Variants in CPQ observed in about 807,000 individuals in gnomAD.
CPQ encodes Ser-Met dipeptidase.
A neutral mutation model predicts 45.7 loss-of-function variants in CPQ; 37 were observed. The ratio of observed to expected loss-of-function variants is 0.81; its 90% confidence interval spans 0.62 to 1.07. The LOEUF is 1.07. Among genes scored for constraint, CPQ ranks in the 50% least tolerant of loss-of-function variants. CPQ has a pLI of 0.00. For missense variants in CPQ, 537 were observed against 572.9 expected, an observed-to-expected ratio of 0.94 and a Z score of 0.64; for synonymous variants, 186 against 205.8, an observed-to-expected ratio of 0.90 and a Z score of 0.82.
intron 2 of CPQ, among the ~76,000 whole-genome samples, chr8:96,824,865 A>G (rs1319146122): frequency 1.3e-5 from 2 of 152,064 alleles, no homozygotes; most frequent in African/African-American, 2.4e-5. Context: ...TGCCCTGCTA[A>G]AGTGGATCAT....
chr8:97,121,310 A>G (rs1291804371), intron 7 of CPQ, among the ~76,000 whole-genome samples: 2 of 152,218 alleles, frequency 1.3e-5, no homozygotes, highest in Non-Finnish European at 2.9e-5. Context: ...AAAATATATC[A>G]AACAACTAAT....
intron 4 of CPQ, among the ~76,000 whole-genome samples, chr8:96,962,076 A>G (rs1813469928): frequency 6.6e-6 from 1 of 152,118 alleles, no homozygotes; most frequent in South Asian, 2.1e-4. Context: ...TGCCGTTGTC[A>G]TTCTGGTTCC....
intron 1 of CPQ, among the ~76,000 whole-genome samples, chr8:96,683,244 T>C (rs1809175526): frequency 6.6e-6 from 1 of 152,178 alleles, no homozygotes; most frequent in South Asian, 2.1e-4. Flanking sequence ...GTCTGGGAAA[T>C]ACTTTATTTC....
chr8:96,786,006 C>T (rs963852858), intron 2 of CPQ, among the ~76,000 whole-genome samples: 28 of 152,122 alleles, frequency 1.8e-4, no homozygotes, highest in African/African-American at 6.8e-4. Context: ...AGTACATTGT[C>T]AGTTTAAAAC....
intron 5 of CPQ, among the ~76,000 whole-genome samples, chr8:96,986,837 G>A (rs1275741468): frequency 6.6e-6 from 1 of 152,156 alleles, no homozygotes; most frequent in African/African-American, 2.4e-5. Context: ...ATACCCCTAT[G>A]TACTATTATT....
chr8:97,140,534 T>C (rs1374317360), intron 7 of CPQ, among the ~76,000 whole-genome samples: 2 of 151,904 alleles, frequency 1.3e-5, no homozygotes, highest in Non-Finnish European at 2.9e-5. Flanking sequence ...AAAACTGTTA[T>C]AAAACTTTAA....
chr8:97,058,857 A>G (rs1239476586), intron 6 of CPQ, among the ~76,000 whole-genome samples: 1 of 152,186 alleles, frequency 6.6e-6, no homozygotes, highest in African/African-American at 2.4e-5. Flanking sequence ...GCTGAAATAG[A>G]TATCAATTTG....
chr8:96,714,935 A>G (rs188155307), intron 1 of CPQ, among the ~76,000 whole-genome samples: 1 of 152,230 alleles, frequency 6.6e-6, no homozygotes, highest in East Asian at 1.9e-4. Flanking sequence ...TAGTCTTTGT[A>G]TTATGGCTTT....
At chr8:96,796,629 G>C (rs1810933348) in intron 2 of CPQ, among the ~76,000 whole-genome samples, 1 of 152,120 alleles carries the variant, frequency 6.6e-6, no homozygotes, top group Non-Finnish European at 1.5e-5. Context: ...CTTTAGGTTA[G>C]CTTACACATA....
At chr8:96,676,523 T>C (rs1012479351) in intron 1 of CPQ, among the ~76,000 whole-genome samples, 2 of 152,034 alleles carry the variant, frequency 1.3e-5, no homozygotes, top group African/African-American at 2.4e-5. Context: ...CCATTGTGTA[T>C]ATATATGCCA....
intron 7 of CPQ, among the ~76,000 whole-genome samples, chr8:97,132,279 A>G (rs1293547128): frequency 6.6e-6 from 1 of 152,136 alleles, no homozygotes; most frequent in African/African-American, 2.4e-5. Context: ...GCTGGCCCCC[A>G]ATACCATAAG....
intron 7 of CPQ, among the ~76,000 whole-genome samples, chr8:97,098,406 T>G (rs1006769812): frequency 6.6e-6 from 1 of 152,114 alleles, no homozygotes; most frequent in African/African-American, 2.4e-5. Flanking sequence ...CCTCCCAAAC[T>G]TCTGGGTTCT....
chr8:96,691,527 T>C (rs993367744), intron 1 of CPQ, among the ~76,000 whole-genome samples: 1 of 152,138 alleles, frequency 6.6e-6, no homozygotes, highest in Non-Finnish European at 1.5e-5. Flanking sequence ...ATTTAACAGT[T>C]ATATATATAG....
At chr8:96,796,910 T>C (rs1480749733) in intron 2 of CPQ, among the ~76,000 whole-genome samples, 1 of 152,214 alleles carries the variant, frequency 6.6e-6, no homozygotes, top group Non-Finnish European at 1.5e-5. Flanking sequence ...CTGTGGAGAT[T>C]AGCATCTCCT....
chr8:96,667,684 C>T (rs1390885138), intron 1 of CPQ, among the ~76,000 whole-genome samples: 1 of 152,106 alleles, frequency 6.6e-6, no homozygotes, highest in African/African-American at 2.4e-5. Context: ...TCCGTCGCCA[C>T]ACTTAGGCCA....
chr8:97,108,609 C>T (rs1296430452), intron 7 of CPQ, among the ~76,000 whole-genome samples: 1 of 152,136 alleles, frequency 6.6e-6, no homozygotes, highest in Non-Finnish European at 1.5e-5. Context: ...CAGCGATTAC[C>T]TCTGTGCACC....
chr8:96,949,895 G>A (rs953973117), intron 4 of CPQ, among the ~76,000 whole-genome samples: 9 of 152,056 alleles, frequency 5.9e-5, no homozygotes, highest in African/African-American at 2.2e-4. Context: ...CTAGTCCACA[G>A]AGATGTTTAT....
intron 6 of CPQ, among the ~76,000 whole-genome samples, chr8:97,055,113 C>T (rs952019047): frequency 6.6e-6 from 1 of 152,146 alleles, no homozygotes; most frequent in East Asian, 1.9e-4. Flanking sequence ...TTTTGCTCTC[C>T]AGGGAATATA....
At chr8:97,024,363 G>C (rs1225128694) in intron 5 of CPQ, among the ~76,000 whole-genome samples, 1 of 151,982 alleles carries the variant, frequency 6.6e-6, no homozygotes, top group Non-Finnish European at 1.5e-5. Context: ...TTGTTTCTCG[G>C]GGTGGCTCAA....
Sources: allele counts gnomAD v4.1 joint callset (sites outside exome capture counted in the v4.1 genomes callset), GRCh38; gene constraint gnomAD v4.1.1; transcripts MANE v1.5; gene names NCBI Gene and HGNC (gene_info 2026-07-23, HGNC 2026-07-21).